Variants in TANC2 observed in about 807,000 individuals in gnomAD.
TANC2 encodes tetratricopeptide repeat, ankyrin repeat and coiled-coil containing 2, also known as protein TANC2.
A neutral mutation model predicts 210.5 loss-of-function variants in TANC2; 26 were observed. The observed-to-expected ratio is 0.12, with a 90% confidence interval of 0.09 to 0.17. The LOEUF is 0.17. Among genes scored for constraint, TANC2 ranks in the 10% least tolerant of loss-of-function variants. The probability of loss-of-function intolerance (pLI) is 1.00; values close to 1 mark genes in which losing one functional copy is unlikely to be tolerated. For missense variants in TANC2, 2,129 were observed against 2,608.9 expected, an observed-to-expected ratio of 0.82 and a Z score of 4.01; for synonymous variants, 931 against 967.1, an observed-to-expected ratio of 0.96 and a Z score of 0.69.
At chr17:63,220,124 T>C (rs1339108817) in intron 7 of TANC2, among the ~76,000 whole-genome samples, 1 of 146,012 alleles carries the variant, frequency 6.8e-6, no homozygotes, top group African/African-American at 2.5e-5. Flanking sequence ...GTGAAACCTC[T>C]CCTCTACTAA....
chr17:63,185,671 A>G (rs1402168101), intron 5 of TANC2, among the ~76,000 whole-genome samples: 1 of 152,030 alleles, frequency 6.6e-6, no homozygotes, highest in Non-Finnish European at 1.5e-5. Flanking sequence ...GTCAGATGCT[A>G]TTTTGTTTGT....
intron 27 of TANC2, 50 bp from the exon 28 acceptor site, chr17:63,419,949 C>T: frequency 6.7e-7 from 1 of 1,482,268 alleles, no homozygotes; most frequent in Non-Finnish European, 9.0e-7. Context: ...TTGGTGATTT[C>T]TCTGGATTCA....
rs537957259 is a variant in TANC2 at position 63,375,146 on chromosome 17, T to C, written c.2583-4572T>C. ...GTGCTCAAGATGTCACCATGGGAGC[T>C]AATATAGAATGTACATTGCTGTTTC... On this transcript the variant is annotated intron_variant, in intron 14 of 27. Coordinates refer to ENST00000689528, the Ensembl canonical transcript of TANC2. Among the ~76,000 whole-genome samples the C allele has an allele frequency of 6.4e-4, 98 of 152,298 alleles. 1 individual carries two copies. Among genetic ancestry groups the C allele is most frequent in the African/African-American group, 2.3e-3 (96 of 41,572 alleles).
chr17:63,218,610 A>C (rs1050209189), intron 7 of TANC2, among the ~76,000 whole-genome samples: 1 of 152,080 alleles, frequency 6.6e-6, no homozygotes, highest in South Asian at 2.1e-4. Flanking sequence ...GAAACTAGTG[A>C]GTTAGCTGGA....
intron 4 of TANC2, among the ~76,000 whole-genome samples, chr17:63,105,034 GT>G (rs780888341): frequency 2.6e-5 from 4 of 151,590 alleles, no homozygotes; most frequent in East Asian, 3.8e-4. Flanking sequence ...TATTATTATA[GT>G]TTCTAAAGAG....
intron 12 of TANC2, among the ~76,000 whole-genome samples, chr17:63,341,567 G>T (rs893438279): frequency 2.0e-5 from 3 of 152,174 alleles, no homozygotes; most frequent in African/African-American, 7.2e-5. Flanking sequence ...AGCATACTGG[G>T]ATAAAAATTT....
Position 63,103,275 on chromosome 17 carries a change from G to A in TANC2, c.322+3918G>A, listed in dbSNP as rs1172610337. Among the ~76,000 whole-genome samples the A allele has an allele frequency of 5.3e-5, 8 of 151,990 alleles. No individual in the cohort carries two copies. In the East Asian group the frequency reaches 5.8e-4, roughly 11 times the overall value. ...CATATTTATCTTAGTCTTCCATGCC[G>A]GTGTATATAAAGACTCATTTGCAGA... is the stretch of plus-strand genomic sequence containing the variant. On this transcript the variant is annotated intron_variant, in intron 4 of 27. Transcript: ENST00000689528.
At chr17:63,015,669 T>A (rs1261963155) in intron 2 of TANC2, among the ~76,000 whole-genome samples, 1 of 152,150 alleles carries the variant, frequency 6.6e-6, no homozygotes, top group African/African-American at 2.4e-5. Context: ...TTGAATTTTA[T>A]AACAGTTAAT....
intron 11 of TANC2, among the ~76,000 whole-genome samples, chr17:63,334,999 G>A (rs557176014): frequency 6.6e-6 from 1 of 152,236 alleles, no homozygotes; most frequent in African/African-American, 2.4e-5. Context: ...ACCAGATCTT[G>A]TGAGAACTCA....
chr17:63,289,771 A>C (rs2044330357), intron 9 of TANC2, among the ~76,000 whole-genome samples: 1 of 152,110 alleles, frequency 6.6e-6, no homozygotes, highest in South Asian at 2.1e-4. Flanking sequence ...GCTGGATATG[A>C]TCTACTGTTT....
intron 25 of TANC2, 26 bp downstream of exon 25, chr17:63,413,660 C>A (rs769289401): frequency 6.4e-7 from 1 of 1,554,718 alleles, no homozygotes; most frequent in Admixed American, 1.9e-5. Context: ...GACACAGTTT[C>A]TTCAGAACAG....
intron 1 of TANC2, among the ~76,000 whole-genome samples, chr17:62,971,924 G>T (rs907773808): frequency 2.0e-5 from 3 of 152,178 alleles, no homozygotes; most frequent in Admixed American, 1.3e-4. Flanking sequence ...TGGAAAAATT[G>T]TCTGGAAAAA....
chr17:62,986,200 C>T (rs989223732), intron 1 of TANC2, among the ~76,000 whole-genome samples: 5 of 152,146 alleles, frequency 3.3e-5, no homozygotes, highest in African/African-American at 1.2e-4. Context: ...GTGGCTTTGC[C>T]AGGGGTAGGC....
Position 63,421,287 on chromosome 17 carries a change from C to T in TANC2, c.5557C>T (p.Pro1853Ser). 1 of 1,614,040 alleles carries T rather than the reference C, an allele frequency of 6.2e-7. No individual in the cohort carries two copies. The highest frequency in any genetic ancestry group is 1.1e-5 in the South Asian group (1 of 91,086). ...CGAAATCAAACCGCACCCGCCAACTCCCAGGCCGTTGCTGCATTCCCAAAG... is the reference window on the plus strand; with the variant it reads ...CGAAATCAAACCGCACCCGCCAACTTCCAGGCCGTTGCTGCATTCCCAAAG... The change falls in exon 28 of 28, where the codon CCC becomes TCC. Residue 1853 changes from proline (P) to serine (S), a missense_variant. Pro to Ser is a moderately conservative substitution (Grantham distance 74). This residue lies in a region of TANC2 where 584 missense variants were observed against 627.3 expected (regional missense o/e 0.93). Transcript: ENST00000689528. This position sits in a 1 kb window ranked among gnomAD's most constrained non-coding sequence, Gnocchi z 6.9.
At position 63,388,762 on chromosome 17, in the gene TANC2, A is replaced by G. The variant is rs559414307; in HGVS notation, c.2814+5A>G. ...CTCTACACTCCAAATATAAAGGTAA[A>G]TTTATAAAGAAATTATAAATATGAT... On this transcript the variant is annotated splice_donor_5th_base_variant and intron_variant, in intron 16 of 27. Coordinates refer to ENST00000689528, the Ensembl canonical transcript of TANC2. 1.7e-5 allele frequency: 26 copies of G among 1,505,516 alleles called. No individual in the cohort carries two copies. Among genetic ancestry groups the G allele is most frequent in the Non-Finnish European group, 2.2e-5 (25 of 1,124,936 alleles). 93.3% of individuals were successfully genotyped at this position (1,505,516 alleles called of 1,614,324 possible). A position where few individuals can be genotyped will look rare whatever the true frequency, so the allele number is the denominator to read the frequency against.
At chr17:63,151,908 ATACT>A (rs2039666525) in intron 5 of TANC2, 1 of 152,224 alleles carries the variant, frequency 6.6e-6, no homozygotes, top group Non-Finnish European at 1.5e-5. Context: ...TTGGATACAG[ATACT>A]TACTTTTAGA....
At chr17:63,262,769 C>G (rs557835803) in intron 8 of TANC2, among the ~76,000 whole-genome samples, 2 of 152,160 alleles carry the variant, frequency 1.3e-5, no homozygotes, top group East Asian at 3.9e-4. Flanking sequence ...TTGGCCTAAA[C>G]TCCTCTCAAC....
At chr17:63,179,656 A>T (rs1239515664) in intron 5 of TANC2, among the ~76,000 whole-genome samples, 2 of 152,144 alleles carry the variant, frequency 1.3e-5, no homozygotes, top group African/African-American at 2.4e-5. Context: ...TGAATTGGCA[A>T]GTCAAACAAT....
intron 4 of TANC2, among the ~76,000 whole-genome samples, chr17:63,115,202 G>C (rs971171017): frequency 7.2e-5 from 11 of 152,084 alleles, no homozygotes; most frequent in African/African-American, 2.7e-4. Flanking sequence ...AAACTTACTA[G>C]GTAGAAGAGA....
Sources: allele counts gnomAD v4.1 joint callset (sites outside exome capture counted in the v4.1 genomes callset), GRCh38; gene constraint gnomAD v4.1.1; regional missense constraint gnomAD v4.1.1; non-coding constraint Gnocchi (gnomAD v3.1); transcripts MANE v1.5; gene names NCBI Gene and HGNC (gene_info 2026-07-23, HGNC 2026-07-21).